The following OSBPL8 variants were observed in gnomAD, a reference collection of about 807,000 sequenced individuals.
OSBPL8 encodes oxysterol binding protein like 8.
Under a neutral mutation model 125.5 loss-of-function variants are expected in OSBPL8, and 59 were observed. The observed-to-expected ratio is 0.47, with a 90% CI of 0.38 to 0.58. The LOEUF (loss-of-function observed/expected upper bound fraction) is 0.58. OSBPL8 is among the 20% of genes least tolerant of loss of function. OSBPL8 has a pLI of 0.00. For missense variants in OSBPL8, 758 were observed against 1,047.8 expected (o/e 0.72, Z 3.82); for synonymous variants, 330 against 338.9 (o/e 0.97, Z 0.29).
rs1868781096 is a variant in OSBPL8, at chr12:76,417,092, CTTCTT to C, written c.218-6463_218-6459del. Among the ~76,000 whole-genome samples, 5 of 152,306 alleles carry C rather than the reference CTTCTT, an allele frequency of 3.3e-5. No individual in the cohort carries two copies. The South Asian group carries it at 1.0e-3, about 32-fold the overall frequency. ...TGTCATATATTGCAAATCTCTCTCTCTTCTTAACTCCAAAAGACATTATTTGTATT... is the reference window on the plus strand; with the variant it reads ...TGTCATATATTGCAAATCTCTCTCTCAACTCCAAAAGACATTATTTGTATT... On this transcript the variant is annotated intron_variant, in intron 4 of 23. Coordinates refer to ENST00000261183, the MANE Select transcript of OSBPL8 (RefSeq NM_020841.5).
At chr12:76,556,287 G>T (rs1276439089) in intron 1 of OSBPL8, among the ~76,000 whole-genome samples, 1 of 151,784 alleles carries the variant, frequency 6.6e-6, no homozygotes, top group Non-Finnish European at 1.5e-5. Flanking sequence ...AAAATAACAG[G>T]GTATAAGAAT....
chr12:76,389,174 A>G (rs1953451401), intron 12 of OSBPL8, among the ~76,000 whole-genome samples: 2 of 152,176 alleles, frequency 1.3e-5, no homozygotes, highest in Admixed American at 1.3e-4. Flanking sequence ...AGCAAAGAAA[A>G]TAAGGATTTG....
At chr12:76,516,931 C>T (rs906151080) in intron 1 of OSBPL8, among the ~76,000 whole-genome samples, 7 of 151,420 alleles carry the variant, frequency 4.6e-5, no homozygotes, top group Admixed American at 3.3e-4. Flanking sequence ...TCTCCTGTCT[C>T]GCCTCCTGAG....
At chr12:76,356,446 A>T (rs1179166302) in intron 23 of OSBPL8, among the ~76,000 whole-genome samples, 180 bp downstream of exon 23, 2 of 152,110 alleles carry the variant, frequency 1.3e-5, no homozygotes, top group African/African-American at 4.8e-5. Context: ...TTCCTTCCCA[A>T]GTATTTTAGT....
intron 2 of OSBPL8, among the ~76,000 whole-genome samples, chr12:76,485,702 G>A (rs1878055325): frequency 6.6e-6 from 1 of 152,170 alleles, no homozygotes; most frequent in African/African-American, 2.4e-5. Flanking sequence ...AGTATTCAGA[G>A]ACAGACAGAT....
At chr12:76,475,010 AAGAC>A (rs1043405863) in intron 2 of OSBPL8, among the ~76,000 whole-genome samples, 12 of 152,166 alleles carry the variant, frequency 7.9e-5, no homozygotes, top group Non-Finnish European at 1.5e-4. Context: ...TGTCACTAGA[AAGAC>A]AGGTAGAGAT....
chr12:76,529,488 T>C (rs1444556363), intron 1 of OSBPL8, among the ~76,000 whole-genome samples: 1 of 150,526 alleles, frequency 6.6e-6, no homozygotes, highest in Admixed American at 6.6e-5. Flanking sequence ...AATAGCAGTG[T>C]CATGCCAGCT....
chr12:76,378,337 T>C (rs1217080262), intron 16 of OSBPL8, 115 bp downstream of exon 16: 8 of 719,346 alleles, frequency 1.1e-5, no homozygotes, highest in Non-Finnish European at 1.8e-5. Flanking sequence ...CCAAGGATGC[T>C]TTCAAACAAA....
intron 1 of OSBPL8, among the ~76,000 whole-genome samples, chr12:76,492,926 ATATATAGATAT>A (rs920912265): frequency 2.0e-5 from 3 of 150,782 alleles, no homozygotes; most frequent in African/African-American, 7.4e-5. Flanking sequence ...ATATATAGAT[ATATATAGATAT>A]TTTTTTTTTG....
At chr12:76,426,157 A>T (rs566615448) in intron 4 of OSBPL8, among the ~76,000 whole-genome samples, 4 of 152,378 alleles carry the variant, frequency 2.6e-5, no homozygotes, top group Admixed American at 1.3e-4. Flanking sequence ...GGCTGATCTC[A>T]GCCAATCACA....
At chr12:76,504,658 T>C (rs1880238660) in intron 1 of OSBPL8, among the ~76,000 whole-genome samples, 1 of 152,272 alleles carries the variant, frequency 6.6e-6, no homozygotes, top group Non-Finnish European at 1.5e-5. Context: ...TGGGCCAAGA[T>C]AACTTTGGGA....
intron 4 of OSBPL8, 89 bp downstream of exon 4, chr12:76,450,761 AT>A (rs373436024): frequency 2.5e-5 from 33 of 1,327,908 alleles, no homozygotes; most frequent in South Asian, 7.7e-5. Flanking sequence ...AAGAAAAAAA[AT>A]ATGATAGTCC....
In OSBPL8 at chr12:76,355,594, C is replaced by T. The variant is rs1480096446; in HGVS notation, c.*295G>A. The T allele has an allele frequency of 8.8e-6, 2 of 226,040 alleles. No homozygotes were observed. The highest frequency in any genetic ancestry group is 1.7e-5 in the Non-Finnish European group (2 of 116,184). The allele number at this position is 226,040 out of a possible 1,614,324, so 14.0% of individuals were successfully genotyped here. ...CAAAGACTACTGTCAGGTAGGAGTA[C>T]ATAAGAGACAATTGTGTATACATGT... On this transcript the variant is annotated 3_prime_UTR_variant, in exon 24 of 24. Transcript: ENST00000261183.
chr12:76,490,092 C>A (rs1406513524), intron 1 of OSBPL8, among the ~76,000 whole-genome samples: 1 of 152,154 alleles, frequency 6.6e-6, no homozygotes, highest in Non-Finnish European at 1.5e-5. Context: ...TAGCTGCAAT[C>A]TCAAGACAAA....
Position 76,389,688 on chromosome 12 carries a change from C to A in OSBPL8, c.1309G>T (p.Asp437Tyr). 1 of 1,601,288 alleles carries A rather than the reference C, an allele frequency of 6.2e-7. No individual in the cohort carries two copies. Among genetic ancestry groups the A allele is most frequent in the Admixed American group, 1.7e-5 (1 of 58,536 alleles). Residue 437 changes from aspartate (D) to tyrosine (Y), a missense_variant, in exon 12 of 24, where the codon GAT becomes TAT. Transcript: ENST00000261183. Reference sequence around the variant, plus strand: ...TGATAGTAGTAATCTGAAAGTTTATCCAGGAAAGAACGGGGTTCCAAAATA... The same window carrying A: ...TGATAGTAGTAATCTGAAAGTTTATACAGGAAAGAACGGGGTTCCAAAATA... ...TFILEPRSFL[D>Y]KLSDYYYHAD... is the part of the protein sequence containing the mutation.
chr12:76,464,132 A>T (rs1362929285), intron 2 of OSBPL8, among the ~76,000 whole-genome samples: 1 of 152,210 alleles, frequency 6.6e-6, no homozygotes, highest in Non-Finnish European at 1.5e-5. Context: ...GAAAAAGGTC[A>T]TCATGGGCGC....
At chr12:76,549,595 G>T (rs1829781723) in intron 1 of OSBPL8, among the ~76,000 whole-genome samples, 1 of 152,076 alleles carries the variant, frequency 6.6e-6, no homozygotes. Flanking sequence ...TAGAGACAGG[G>T]TTTCACTATG....
Position 76,381,493 on chromosome 12 carries a change from T to C in OSBPL8, c.1630+2761A>G, listed in dbSNP as rs190320181. Among the ~76,000 whole-genome samples, 712 of 152,344 alleles carry C rather than the reference T, an allele frequency of 4.7e-3. 23 individuals carry two copies. The highest frequency in any genetic ancestry group is 0.043 in the Admixed American group (665 of 15,288). Reference sequence around the variant, plus strand: ...AAGAAATTTGTCCATTTCAAATTTCTATCTCTTTTAATTCTGTCTATTTTT... The same window carrying C: ...AAGAAATTTGTCCATTTCAAATTTCCATCTCTTTTAATTCTGTCTATTTTT... On this transcript the variant is annotated intron_variant, in intron 15 of 23. Coordinates refer to ENST00000261183, the MANE Select transcript of OSBPL8 (RefSeq NM_020841.5).
chr12:76,462,607 CA>C (rs1446796207), intron 2 of OSBPL8, among the ~76,000 whole-genome samples: 7 of 151,290 alleles, frequency 4.6e-5, no homozygotes, highest in Admixed American at 1.3e-4. Flanking sequence ...GACAGATGAA[CA>C]TTAACATAAA....
Sources: gnomAD v4.1 joint callset for allele counts (sites outside exome capture counted in the v4.1 genomes callset) on GRCh38, gnomAD v4.1.1 for gene constraint, MANE v1.5 for transcripts, NCBI Gene and HGNC (gene_info 2026-07-23, HGNC 2026-07-21) for gene names.